Variants in MICAL3 observed in about 807,000 individuals in gnomAD.
MICAL3 encodes the protein [F-actin]-monooxygenase MICAL3.
A neutral mutation model predicts 207.4 loss-of-function variants in MICAL3; 62 were observed. The ratio of observed to expected loss-of-function variants is 0.30; its 90% confidence interval spans 0.24 to 0.37. The LOEUF is 0.37. Among genes scored for constraint, MICAL3 ranks in the 10% least tolerant of loss-of-function variants. MICAL3 has a pLI of 1.00. For missense variants in MICAL3, 2,368 were observed against 2,635.6 expected, an observed-to-expected ratio of 0.90 and a Z score of 2.22; for synonymous variants, 1,077 against 1,069.3, an observed-to-expected ratio of 1.01 and a Z score of -0.14.
Position 17,841,556 on chromosome 22 carries a change from C to A in MICAL3, c.2801+266G>T. 1 of 567,296 alleles carries A rather than the reference C, an allele frequency of 1.8e-6. No individual in the cohort carries two copies. 35.1% of individuals were successfully genotyped at this position (567,296 alleles called of 1,614,324 possible). On this transcript the variant is annotated intron_variant, in intron 20 of 31. Transcript: ENST00000441493. The surrounding 1 kb of genome is among the most constrained non-coding windows in gnomAD (Gnocchi z 4.2). Reference sequence around the variant, plus strand: ...ACCCGGGGGCAGAGCCTGCCACTTTCCTTCCCAATGACAGACTTGGAGCTG... The same window carrying A: ...ACCCGGGGGCAGAGCCTGCCACTTTACTTCCCAATGACAGACTTGGAGCTG...
In MICAL3 at chr22:17,821,438, G is replaced by A; in HGVS notation, c.3520C>T (p.Pro1174Ser). ...SALLFIPVHS[P>S]STEGPQLPPV... The stretch of plus-strand genomic sequence containing the variant: ...CCCCAAACCCTTACCTCTGTTGAGG[G>A]GCTGTGGACTGGAATGAACAGAAGA... Residue 1174 changes from proline to serine, a missense_variant, in exon 25 of 32, where the codon CCC (proline) becomes TCC (serine). Physicochemically the swap from Pro to Ser is moderately conservative, Grantham distance 74. Around this residue, in one of 4 missense-constraint regions of MICAL3, gnomAD observed 1,770 missense variants for 1,863.2 expected, o/e 0.95. Coordinates refer to ENST00000441493, the MANE Select transcript of MICAL3 (RefSeq NM_015241.3). The A allele has an allele frequency of 6.5e-7, 1 of 1,544,240 alleles. No individual in the cohort carries two copies. The highest frequency in any genetic ancestry group is 8.7e-7 in the Non-Finnish European group (1 of 1,144,448).
chr22:17,850,836 T>C (rs1339109102), intron 19 of MICAL3, among the ~76,000 whole-genome samples: 1 of 152,192 alleles, frequency 6.6e-6, no homozygotes, highest in African/African-American at 2.4e-5. Flanking sequence ...GAGGTTTCTT[T>C]TAAGCTACAA....
chr22:17,879,297 C>A, intron 16 of MICAL3: 1 of 1,535,462 alleles, frequency 6.5e-7, no homozygotes. Context: ...CAGCGTGCCC[C>A]GTGTGCTTGG....
chr22:17,946,026 C>T (rs573232466), intron 1 of MICAL3, among the ~76,000 whole-genome samples: 1 of 152,218 alleles, frequency 6.6e-6, no homozygotes, highest in South Asian at 2.1e-4. Flanking sequence ...AAGTCAGGAC[C>T]GGAAATCCTC....
intron 1 of MICAL3, among the ~76,000 whole-genome samples, chr22:18,020,836 C>G (rs1480271452): frequency 1.3e-5 from 2 of 151,488 alleles, no homozygotes; most frequent in Non-Finnish European, 2.9e-5. Flanking sequence ...ATCACTTGAA[C>G]CTGGGAAGCG....
intron 1 of MICAL3, among the ~76,000 whole-genome samples, chr22:18,015,434 T>C (rs1320531091): frequency 4.1e-5 from 6 of 147,854 alleles, no homozygotes; most frequent in South Asian, 4.4e-4. Context: ...TTTTTTTTTT[T>C]TTTTTTTTGA....
chr22:17,910,756 C>G (rs913939209), intron 1 of MICAL3, among the ~76,000 whole-genome samples: 1 of 152,196 alleles, frequency 6.6e-6, no homozygotes, highest in Non-Finnish European at 1.5e-5. Context: ...AAGGGGCTTA[C>G]CCGGCATTCT....
At chr22:17,979,981 A>AGTT (rs1935834873) in intron 1 of MICAL3, among the ~76,000 whole-genome samples, 1 of 152,080 alleles carries the variant, frequency 6.6e-6, no homozygotes, top group African/African-American at 2.4e-5. Context: ...GGCACATGCC[A>AGTT]CCACACCTAA....
intron 1 of MICAL3, among the ~76,000 whole-genome samples, chr22:17,913,839 C>T (rs886089968): frequency 6.6e-6 from 1 of 152,172 alleles, no homozygotes; most frequent in East Asian, 1.9e-4. Flanking sequence ...ACCCCAAACA[C>T]ATTAAAATGT....
chr22:17,863,286 T>C, intron 19 of MICAL3: 1 of 985,414 alleles, frequency 1.0e-6, no homozygotes, highest in Non-Finnish European at 1.2e-6. Flanking sequence ...TAGTTTCTTT[T>C]GAGTTGTTCT....
At chr22:17,972,527 C>T (rs1027682606) in intron 1 of MICAL3, among the ~76,000 whole-genome samples, 1 of 152,138 alleles carries the variant, frequency 6.6e-6, no homozygotes. Flanking sequence ...AGGTTGAGCC[C>T]GCCTACAACA....
At chr22:17,869,052 G>C (rs372188123) in intron 17 of MICAL3, among the ~76,000 whole-genome samples, 11 of 152,176 alleles carry the variant, frequency 7.2e-5, no homozygotes, top group Non-Finnish European at 1.6e-4. Context: ...GAGACCAGGG[G>C]GTGTGCTCCA....
intron 20 of MICAL3, among the ~76,000 whole-genome samples, chr22:17,833,531 G>A (rs1923039484): frequency 6.6e-6 from 1 of 152,244 alleles, no homozygotes; most frequent in African/African-American, 2.4e-5. Flanking sequence ...GGCACTGCCA[G>A]GGCGATCACT....
At chr22:18,000,900 C>A (rs920430322) in intron 1 of MICAL3, among the ~76,000 whole-genome samples, 2 of 152,190 alleles carry the variant, frequency 1.3e-5, no homozygotes, top group Non-Finnish European at 2.9e-5. Flanking sequence ...AGGCAGGACC[C>A]GGCGGAGCCT....
intron 1 of MICAL3, among the ~76,000 whole-genome samples, chr22:17,984,476 C>T (rs1309348930): frequency 6.6e-6 from 1 of 152,238 alleles, no homozygotes; most frequent in Non-Finnish European, 1.5e-5. Flanking sequence ...ACCCAGTGGC[C>T]TGTGCCACCC....
At chr22:17,992,589 T>C (rs779205514) in intron 1 of MICAL3, among the ~76,000 whole-genome samples, 27 of 152,062 alleles carry the variant, frequency 1.8e-4, no homozygotes, top group Non-Finnish European at 3.4e-4. Flanking sequence ...GTGTAAAGGA[T>C]TCCTGAAGTA....
At chr22:17,883,072 T>C (rs549325736) in intron 16 of MICAL3, among the ~76,000 whole-genome samples, 1 of 152,312 alleles carries the variant, frequency 6.6e-6, no homozygotes, top group African/African-American at 2.4e-5. Context: ...ATGAATACTG[T>C]AAGAGGTTTT....
intron 19 of MICAL3, chr22:17,860,193 T>C: frequency 1.0e-6 from 1 of 979,422 alleles, no homozygotes. Context: ...TAAATAAGAA[T>C]GTAACATTTG....
Position 17,798,650 on chromosome 22 carries a change from GATAA to G in MICAL3, c.5651-7353_5651-7350del, listed in dbSNP as rs547582841. The stretch of plus-strand genomic sequence containing the variant: ...TAAATAATAACATAAATATTATAAT[GATAA>G]ATAGTGTTGGAGCAATGCCTTTTTT... On this transcript the variant is annotated intron_variant, in intron 29 of 31. Transcript: ENST00000441493. 3.3e-3 allele frequency among the ~76,000 whole-genome samples: 489 copies of G among 149,116 alleles called. 6 individuals are homozygous for G. Among genetic ancestry groups the G allele is most frequent in the African/African-American group, 0.012 (470 of 40,314 alleles).
Sources: allele counts gnomAD v4.1 joint callset (sites outside exome capture counted in the v4.1 genomes callset), GRCh38; gene constraint gnomAD v4.1.1; regional missense constraint gnomAD v4.1.1; non-coding constraint Gnocchi (gnomAD v3.1); transcripts MANE v1.5; gene names NCBI Gene and HGNC (gene_info 2026-07-23, HGNC 2026-07-21).